Variants in IPCEF1 observed in about 807,000 individuals in gnomAD.
The protein encoded by IPCEF1 is interactor protein for cytohesin exchange factors 1.
IPCEF1 carries 31 observed loss-of-function variants against 50.9 expected under a neutral mutation model. The ratio of observed to expected loss-of-function variants is 0.61; its 90% CI spans 0.46 to 0.82. The LOEUF (loss-of-function observed/expected upper bound fraction) is 0.82. Among genes scored for constraint, IPCEF1 ranks in the 40% least tolerant of loss-of-function variants. The probability of loss-of-function intolerance (pLI) is 0.00; values close to 1 mark genes in which losing one functional copy is unlikely to be tolerated. For missense variants in IPCEF1, 458 were observed against 514.0 expected (o/e 0.89, Z 1.05); for synonymous variants, 181 against 192.0 (o/e 0.94, Z 0.47).
At chr6:154,232,927 G>C (rs1232243898) in intron 5 of IPCEF1, among the ~76,000 whole-genome samples, 6 of 150,992 alleles carry the variant, frequency 4.0e-5, no homozygotes, top group Non-Finnish European at 8.9e-5. Context: ...AAAAGAGAAG[G>C]AATGACCCAG....
At chr6:154,265,095 C>T (rs540108428) in intron 3 of IPCEF1, among the ~76,000 whole-genome samples, 5 of 152,280 alleles carry the variant, frequency 3.3e-5, no homozygotes, top group South Asian at 2.1e-4. Flanking sequence ...TACAATCCCA[C>T]GACACTCCCC....
chr6:154,335,494 T>C (rs866001984), intron 1 of IPCEF1, among the ~76,000 whole-genome samples: 2 of 152,110 alleles, frequency 1.3e-5, no homozygotes, highest in African/African-American at 4.8e-5. Context: ...AGTATCAATA[T>C]AAGAAAATGT....
At chr6:154,195,109 C>T (rs1289365823) in intron 10 of IPCEF1, among the ~76,000 whole-genome samples, 1 of 151,834 alleles carries the variant, frequency 6.6e-6, no homozygotes, top group Admixed American at 6.6e-5. Flanking sequence ...TTCTCTTCTT[C>T]CCTGCACTCT....
chr6:154,310,758 C>A (rs558673003), intron 1 of IPCEF1, among the ~76,000 whole-genome samples: 1 of 151,182 alleles, frequency 6.6e-6, no homozygotes, highest in African/African-American at 2.4e-5. Context: ...CATATAAATA[C>A]AAATACTATA....
intron 7 of IPCEF1, among the ~76,000 whole-genome samples, chr6:154,214,488 G>A (rs530005968): frequency 6.6e-6 from 1 of 152,280 alleles, no homozygotes; most frequent in East Asian, 1.9e-4. Flanking sequence ...TAAGATGTGA[G>A]GTGGCCCATT....
chr6:154,257,311 C>T (rs556461435), intron 3 of IPCEF1, among the ~76,000 whole-genome samples: 1 of 152,268 alleles, frequency 6.6e-6, no homozygotes, highest in East Asian at 1.9e-4. Flanking sequence ...CTAGCTCTCC[C>T]CACATTTAGC....
At chr6:154,210,605 A>T (rs1369552308) in intron 9 of IPCEF1, among the ~76,000 whole-genome samples, 1 of 152,240 alleles carries the variant, frequency 6.6e-6, no homozygotes, top group Non-Finnish European at 1.5e-5. Context: ...TAAGGTCTGA[A>T]GATATCATTA....
intron 11 of IPCEF1, among the ~76,000 whole-genome samples, chr6:154,165,585 C>T (rs904238896): frequency 6.6e-6 from 1 of 152,214 alleles, no homozygotes; most frequent in African/African-American, 2.4e-5. Flanking sequence ...GGAAAGGGCT[C>T]CTTCTCACAA....
intron 5 of IPCEF1, among the ~76,000 whole-genome samples, chr6:154,238,399 G>T (rs1780308693): frequency 6.6e-6 from 1 of 151,980 alleles, no homozygotes; most frequent in African/African-American, 2.4e-5. Flanking sequence ...GGAATTACAG[G>T]CATGCACCAC....
chr6:154,298,683 G>T (rs1349850401), intron 1 of IPCEF1, among the ~76,000 whole-genome samples: 1 of 152,146 alleles, frequency 6.6e-6, no homozygotes, highest in Admixed American at 6.5e-5. Flanking sequence ...CAACATTATG[G>T]CTGGGCGCAG....
chr6:154,193,329 G>A (rs1327526437), intron 10 of IPCEF1, among the ~76,000 whole-genome samples: 1 of 152,156 alleles, frequency 6.6e-6, no homozygotes, highest in Non-Finnish European at 1.5e-5. Flanking sequence ...AGGATGCAAA[G>A]GCACGATAAA....
intron 5 of IPCEF1, among the ~76,000 whole-genome samples, chr6:154,232,846 A>G (rs533358879): frequency 6.6e-6 from 1 of 152,336 alleles, no homozygotes; most frequent in South Asian, 2.1e-4. Context: ...AATTTGTTAA[A>G]GCTATAAAGA....
intron 1 of IPCEF1, chr6:154,306,889 A>G (rs1420933896): frequency 6.6e-6 from 1 of 152,034 alleles, no homozygotes; most frequent in Non-Finnish European, 1.5e-5. Flanking sequence ...CTGCTATAAC[A>G]TTCACATTTG....
chr6:154,177,933 T>C (rs1800484520), intron 10 of IPCEF1, among the ~76,000 whole-genome samples: 1 of 152,162 alleles, frequency 6.6e-6, no homozygotes, highest in South Asian at 2.1e-4. Context: ...ATGTGTCACA[T>C]ATACACCATG....
chr6:154,333,340 A>C (rs1247837451), intron 1 of IPCEF1, among the ~76,000 whole-genome samples: 2 of 151,980 alleles, frequency 1.3e-5, no homozygotes. Context: ...GCCAGCAAAT[A>C]TAGCAGGCAG....
chr6:154,183,637 A>T (rs1473429295), intron 10 of IPCEF1, among the ~76,000 whole-genome samples: 1 of 152,148 alleles, frequency 6.6e-6, no homozygotes, highest in Non-Finnish European at 1.5e-5. Flanking sequence ...GGTGGCTTAC[A>T]CCTGTAATCC....
intron 1 of IPCEF1, among the ~76,000 whole-genome samples, chr6:154,336,997 T>C (rs572269860): frequency 1.3e-5 from 2 of 152,286 alleles, no homozygotes; most frequent in South Asian, 4.1e-4. Context: ...AAGAGAGGAC[T>C]TGAAATGTTC....
intron 1 of IPCEF1, among the ~76,000 whole-genome samples, chr6:154,317,338 A>G (rs1292811677): frequency 6.6e-6 from 1 of 152,034 alleles, no homozygotes; most frequent in East Asian, 1.9e-4. Context: ...TCACGAGGTC[A>G]GGAGTTCGAG....
At chr6:154,291,394 T>C (rs536014810) in intron 1 of IPCEF1, among the ~76,000 whole-genome samples, 120 of 152,328 alleles carry the variant, frequency 7.9e-4, no homozygotes, top group African/African-American at 2.8e-3. Flanking sequence ...TACTTGGATT[T>C]TTTTCTTTTT....
Sources: gnomAD v4.1 joint callset for allele counts (sites outside exome capture counted in the v4.1 genomes callset) on GRCh38, gnomAD v4.1.1 for gene constraint, MANE v1.5 for transcripts, NCBI Gene and HGNC (gene_info 2026-07-23, HGNC 2026-07-21) for gene names.